Variants in YIF1B observed in about 807,000 individuals in gnomAD.
YIF1B encodes protein YIF1B.
Under a neutral mutation model 34.6 loss-of-function variants are expected in YIF1B, and 24 were observed. The ratio of observed to expected loss-of-function variants is 0.69; its 90% CI spans 0.50 to 0.98. YIF1B has a LOEUF of 0.98. Ranked by LOEUF, YIF1B falls within the 50% of genes least tolerant of loss-of-function variation. The pLI is 0.00. For synonymous variants in YIF1B, 186 were observed against 184.8 expected (o/e 1.01, Z -0.05); for missense variants, 368 against 429.4 (o/e 0.86, Z 1.26).
chr19:38,316,056 C>G (rs577409166), upstream of YIF1B: 1,349 of 1,256,750 alleles, frequency 1.1e-3, 9 homozygotes, highest in African/African-American at 0.018. Context: ...CCCCTCCAGC[C>G]CCCCCCTTCA....
At chr19:38,319,992 C>A, upstream of YIF1B, 1 of 1,476,064 alleles carries the variant, frequency 6.8e-7, no homozygotes, top group Non-Finnish European at 8.9e-7. Context: ...TGGCCGCGTA[C>A]GCCGCGTACC....
chr19:38,308,924 G>C (rs952284815), intron 4 of YIF1B, 55 bp downstream of exon 4: 1 of 1,613,130 alleles, frequency 6.2e-7, no homozygotes, highest in Admixed American at 1.7e-5. Context: ...CCACACACCC[G>C]CTCCATATAG....
chr19:38,303,914 C>T lies in YIF1B; in HGVS notation c.*1438G>A, dbSNP rs1968868074. 6.6e-6 allele frequency among the ~76,000 whole-genome samples: 1 copy of T among 152,224 alleles called. No individual in the cohort carries two copies. Among genetic ancestry groups the T allele is most frequent in the Admixed American group, 6.5e-5 (1 of 15,276 alleles). On this transcript the variant is annotated 3_prime_UTR_variant, in exon 8 of 8. Transcript: ENST00000339413. ...AGCGCCGCGGAGGAAGCTGTATTGT[C>T]GCGGTACGCAGGAAGGCAGGGGCAG...
Position 38,305,414 on chromosome 19 carries a change from T to G in YIF1B, c.883A>C (p.Met295Leu). 1 of 1,610,694 alleles carries G rather than the reference T, an allele frequency of 6.2e-7. No homozygotes were observed. The highest frequency in any genetic ancestry group is 8.5e-7 in the Non-Finnish European group (1 of 1,178,366). ...ARNQLRMYLT[M>L]AVAAAQPMLM... ...ATAGGCTGCGCCGCCGCCACCGCCA[T>G]GGTCAGGTACATGCGCAGCTGGTTC... Residue 295 changes from methionine (M) to leucine (L), a missense_variant, in exon 8 of 8, where the codon ATG (methionine) becomes CTG (leucine). Physicochemically the swap from Met to Leu is conservative, Grantham distance 15. Transcript: ENST00000339413.
At chr19:38,309,137 A>T in intron 3 of YIF1B, 80 bp from the exon 4 acceptor site, 1 of 1,569,996 alleles carries the variant, frequency 6.4e-7, no homozygotes, top group Non-Finnish European at 8.7e-7. Context: ...CCTCGAGGCG[A>T]ATCTCCCGGC....
In YIF1B at chr19:38,309,325, C is replaced by A. The variant is rs571305302; in HGVS notation, c.301G>T (p.Asp101Tyr). Reference protein sequence around the residue: ...QGKELVDKNIDRFIPITKLKY... With the variant: ...QGKELVDKNIYRFIPITKLKY... ...AGCTTGGTGATGGGGATGAAGCGGT[C>A]GATCTGGGGAGGCAGAGCTCAAGTC... The change falls in exon 3 of 8, where the codon GAC (aspartate) becomes TAC (tyrosine). Residue 101 changes from aspartate (D) to tyrosine (Y), a missense_variant. Asp to Tyr is a radical substitution (Grantham distance 160). This residue lies in a region of YIF1B where 153 missense variants were observed against 156.7 expected (regional missense o/e 0.98). Transcript: ENST00000339413. 11 of 1,613,992 alleles carry A rather than the reference C, an allele frequency of 6.8e-6. No individual in the cohort carries two copies. Among genetic ancestry groups the A allele is most frequent in the African/African-American group, 2.7e-5 (2 of 75,032 alleles).
rs542395907 is a variant in YIF1B at position 38,303,928 on chromosome 19, A to G, written c.*1424T>C. On this transcript the variant is annotated 3_prime_UTR_variant, in exon 8 of 8. Coordinates refer to ENST00000339413, the MANE Select transcript of YIF1B (RefSeq NM_001039672.3). ...AGCTGTATTGTCGCGGTACGCAGGA[A>G]GGCAGGGGCAGCACCTCCCTCTTCA... is the stretch of plus-strand genomic sequence containing the variant. Among the ~76,000 whole-genome samples, 1 of 152,350 alleles carries G rather than the reference A, an allele frequency of 6.6e-6. No homozygotes were observed. The highest frequency in any genetic ancestry group is 2.4e-5 in the African/African-American group (1 of 41,576).
chr19:38,308,810 G>C lies in YIF1B; in HGVS notation c.521C>G (p.Ala174Gly). 1 of 1,613,880 alleles carries C rather than the reference G, an allele frequency of 6.2e-7. No individual in the cohort carries two copies. The highest frequency in any genetic ancestry group is 8.5e-7 in the Non-Finnish European group (1 of 1,179,914). The change falls in exon 5 of 8, where the codon GCG (alanine) becomes GGG (glycine). Residue 174 changes from alanine (A) to glycine (G), a missense_variant. By Grantham distance (60) the Ala-to-Gly change is moderately conservative. Transcript: ENST00000339413. ...CCCTTACCTATCCTGGGTCCCCAGC[G>C]CAAGACCAGCCACCAAAACGTAGGT... ...FITYVLVAGL[A>G]LGTQDRFSPD...
In YIF1B at chr19:38,309,015, G is replaced by A. The variant is rs779345895; in HGVS notation, c.445C>T (p.Arg149Cys). ...AGGTCCGGGGCATTGACGTCAAAGC[G>A]GGGGGCCACCGGGGTGTCCTGTTGG... is the stretch of plus-strand genomic sequence containing the variant. ...QYQQDTPVAP[R>C]FDVNAPDLYI... is the part of the protein sequence containing the mutation. The change falls in exon 4 of 8, where the codon CGC (arginine) becomes TGC (cysteine). Residue 149 changes from arginine to cysteine, a missense_variant. Coordinates refer to ENST00000339413, the MANE Select transcript of YIF1B (RefSeq NM_001039672.3). The A allele has an allele frequency of 2.5e-5, 40 of 1,571,456 alleles. No individual in the cohort carries two copies. The highest frequency in any genetic ancestry group is 8.1e-5 in the African/African-American group (6 of 73,970).
chr19:38,308,361 C>T (rs1969154444), intron 5 of YIF1B, among the ~76,000 whole-genome samples: 1 of 145,688 alleles, frequency 6.9e-6, no homozygotes, highest in South Asian at 2.4e-4. Context: ...GAGCGTGCAG[C>T]GGGAGGGGCA....
chr19:38,317,977 C>T (rs962738330), upstream of YIF1B, among the ~76,000 whole-genome samples: 3 of 151,624 alleles, frequency 2.0e-5, no homozygotes, highest in African/African-American at 7.3e-5. Context: ...GGGCAGATCA[C>T]CTGAGGTCAG....
At chr19:38,309,695 G>A (rs769902937) in intron 1 of YIF1B, 52 bp from the exon 2 acceptor site, 1 of 1,553,758 alleles carries the variant, frequency 6.4e-7, no homozygotes, top group African/African-American at 1.3e-5. Flanking sequence ...AGGTAAGGGA[G>A]ACCTGGCGAA....
chr19:38,312,750 G>A (rs925371330), intron 1 of YIF1B, among the ~76,000 whole-genome samples: 4 of 152,156 alleles, frequency 2.6e-5, no homozygotes, highest in Middle Eastern at 3.2e-3. Context: ...GTCCCACCTT[G>A]CAGAGCTGTT....
upstream of YIF1B, among the ~76,000 whole-genome samples, chr19:38,319,551 G>T (rs8112490): frequency 6.6e-6 from 1 of 152,222 alleles, no homozygotes; most frequent in Non-Finnish European, 1.5e-5. Context: ...CACAACCTTA[G>T]CTGCTGTGCG....
chr19:38,311,107 C>G (rs576813922), intron 1 of YIF1B, among the ~76,000 whole-genome samples: 48 of 151,780 alleles, frequency 3.2e-4, no homozygotes, highest in African/African-American at 1.1e-3. Flanking sequence ...GGCAACATGG[C>G]GAGACCCCAT....
chr19:38,304,728 C>T lies in YIF1B; in HGVS notation c.*624G>A. Reference sequence around the variant, plus strand: ...AGCGTCCCCAAGCACGTGCCCTGCACCCCAGAGAGGCGTCCCCGCACTGGG... The same window carrying T: ...AGCGTCCCCAAGCACGTGCCCTGCATCCCAGAGAGGCGTCCCCGCACTGGG... On this transcript the variant is annotated 3_prime_UTR_variant, in exon 8 of 8. Coordinates refer to ENST00000339413, the MANE Select transcript of YIF1B (RefSeq NM_001039672.3). 3 of 1,613,186 alleles carry T rather than the reference C, an allele frequency of 1.9e-6. No homozygotes were observed. The highest frequency in any genetic ancestry group is 2.5e-6 in the Non-Finnish European group (3 of 1,179,596).
intron 1 of YIF1B, chr19:38,315,517 G>T: frequency 1.4e-6 from 2 of 1,403,424 alleles, no homozygotes; most frequent in South Asian, 1.6e-5. Context: ...CTCCCGGGGG[G>T]CCACGAAGCT....
At chr19:38,305,844 C>A (rs898610340) in intron 7 of YIF1B, among the ~76,000 whole-genome samples, 5 of 152,202 alleles carry the variant, frequency 3.3e-5, no homozygotes, top group African/African-American at 2.4e-5. Context: ...TGCTGCCCCC[C>A]CTTATGCTGG....
At chr19:38,307,892 C>G (rs550772854) in intron 5 of YIF1B, 140 bp from the exon 6 acceptor site, 1 of 1,176,752 alleles carries the variant, frequency 8.5e-7, no homozygotes, top group Non-Finnish European at 1.2e-6. Context: ...CCTATTCCCA[C>G]GGAAATCCCA....
Sources: gnomAD v4.1 joint callset for allele counts (sites outside exome capture counted in the v4.1 genomes callset) on GRCh38, gnomAD v4.1.1 for gene constraint, gnomAD v4.1.1 regional missense constraint, MANE v1.5 for transcripts, NCBI Gene and HGNC (gene_info 2026-07-23, HGNC 2026-07-21) for gene names.